Variants in PRPF38A observed in about 807,000 individuals in gnomAD.
The protein encoded by PRPF38A is pre-mRNA processing factor 38A.
In PRPF38A, 11 loss-of-function variants were observed where a neutral mutation model predicts 46.8. That is an observed-to-expected ratio of 0.24 (90% CI 0.15 to 0.39). The LOEUF (loss-of-function observed/expected upper bound fraction) is 0.39. Among genes scored for constraint, PRPF38A ranks in the 10% least tolerant of loss-of-function variants. PRPF38A has a pLI of 1.00. For missense variants in PRPF38A, 261 were observed against 407.5 expected (o/e 0.64, Z 3.10); for synonymous variants, 124 against 136.2 (o/e 0.91, Z 0.62).
In PRPF38A at chr1:52,420,188, T is replaced by G. The variant is rs1487729236; in HGVS notation, c.*3498T>G. 6.6e-6 allele frequency: 1 copy of G among 152,220 alleles called. No homozygotes were observed. The highest frequency in any genetic ancestry group is 1.5e-5 in the Non-Finnish European group (1 of 68,046). 9.4% of individuals were successfully genotyped at this position (152,220 alleles called of 1,614,324 possible). A position where few individuals can be genotyped will look rare whatever the true frequency, so the allele number is the denominator to read the frequency against. On this transcript the variant is annotated 3_prime_UTR_variant, in exon 10 of 10. Transcript: ENST00000257181. ...CTTAAAATACAAAGGCTATAGATGT[T>G]CTCAAGTTTGTAAGAACTTAAAAGT...
At chr1:52,411,864 C>T (rs761179406) in intron 4 of PRPF38A, among the ~76,000 whole-genome samples, 9 of 152,120 alleles carry the variant, frequency 5.9e-5, no homozygotes, top group Non-Finnish European at 1.3e-4. Context: ...GGGCCCAATT[C>T]TTATAGCAAG....
In PRPF38A at chr1:52,417,857, A is replaced by T. The variant is rs187293726; in HGVS notation, c.*1167A>T. The T allele has an allele frequency of 1.3e-5, 2 of 152,500 alleles. No homozygotes were observed. Among genetic ancestry groups the T allele is most frequent in the East Asian group, 1.9e-4 (1 of 5,190 alleles). The allele number at this position is 152,500 out of a possible 1,614,324, so 9.4% of individuals were successfully genotyped here. On this transcript the variant is annotated 3_prime_UTR_variant, in exon 10 of 10. Coordinates refer to ENST00000257181, the MANE Select transcript of PRPF38A (RefSeq NM_032864.4). ...TTCAGAAAGACAGGAGAATTAGGAGAGAGTGAGTGAAAGAAGCCAAGGGTC... is the reference window on the plus strand; with the variant it reads ...TTCAGAAAGACAGGAGAATTAGGAGTGAGTGAGTGAAAGAAGCCAAGGGTC...
rs548423973 is a variant in PRPF38A at position 52,419,420 on chromosome 1, A to C, written c.*2730A>C. On this transcript the variant is annotated 3_prime_UTR_variant, in exon 10 of 10. Transcript: ENST00000257181. ...GAGAGGGTTCCAATATTAACAACCC[A>C]ACTTCAAGCTCATTCCTCTAACCTC... 6.6e-6 allele frequency: 1 copy of C among 152,078 alleles called. No individual in the cohort carries two copies. Among genetic ancestry groups the C allele is most frequent in the East Asian group, 1.9e-4 (1 of 5,180 alleles). The allele number at this position is 152,078 out of a possible 1,614,324, so 9.4% of individuals were successfully genotyped here. A position where few individuals can be genotyped will look rare whatever the true frequency, so the allele number is the denominator to read the frequency against.
chr1:52,411,072 C>T, intron 3 of PRPF38A, 43 bp from the exon 4 acceptor site: 2 of 1,455,406 alleles, frequency 1.4e-6, no homozygotes, highest in Non-Finnish European at 1.9e-6. Flanking sequence ...GCATCTAAAT[C>T]TTTTATTTCC....
intron 8 of PRPF38A, 70 bp downstream of exon 8, chr1:52,414,929 GCAGTA>G (rs970683365): frequency 4.9e-6 from 7 of 1,421,800 alleles, no homozygotes; most frequent in African/African-American, 2.8e-5. Flanking sequence ...TTAGCCTCCT[GCAGTA>G]CAGGAGTGCC....
At chr1:52,412,827 A>T (rs757126228) in intron 5 of PRPF38A, among the ~76,000 whole-genome samples, 7 of 151,966 alleles carry the variant, frequency 4.6e-5, no homozygotes, top group South Asian at 2.1e-4. Context: ...TGGTGGTGAA[A>T]CCTCGTCTCT....
Position 52,418,280 on chromosome 1 carries a change from T to A in PRPF38A, c.*1590T>A, listed in dbSNP as rs2147961283. ...GGTTTCTGATAGAACTATATAGGAC[T>A]ACCTTTTAAGATTAAATATAAGCAT... On this transcript the variant is annotated 3_prime_UTR_variant, in exon 10 of 10. Coordinates refer to ENST00000257181, the MANE Select transcript of PRPF38A (RefSeq NM_032864.4). 1 of 152,480 alleles carries A rather than the reference T, an allele frequency of 6.6e-6. No individual in the cohort carries two copies. The highest frequency in any genetic ancestry group is 1.9e-4 in the East Asian group (1 of 5,186). 9.4% of individuals were successfully genotyped at this position (152,480 alleles called of 1,614,324 possible). A position where few individuals can be genotyped will look rare whatever the true frequency, so the allele number is the denominator to read the frequency against.
At chr1:52,406,469 T>A (rs1648001819) in intron 2 of PRPF38A, among the ~76,000 whole-genome samples, 1 of 152,250 alleles carries the variant, frequency 6.6e-6, no homozygotes, top group East Asian at 1.9e-4. Context: ...CAACAAAAGG[T>A]GGTGGTTAAG....
intron 2 of PRPF38A, among the ~76,000 whole-genome samples, chr1:52,406,766 ATAAT>A (rs773991775): frequency 2.0e-5 from 3 of 152,218 alleles, no homozygotes; most frequent in South Asian, 2.1e-4. Context: ...TTTGCATATA[ATAAT>A]TCATTTCACT....
rs935568974 is a variant in PRPF38A at position 52,416,868 on chromosome 1, A to C, written c.*178A>C. On this transcript the variant is annotated 3_prime_UTR_variant, in exon 10 of 10. Transcript: ENST00000257181. Reference sequence around the variant, plus strand: ...TGAGTTTTGTATCTTTTTAATCATAATCAACATCAGTTTTTGACCCAACTA... The same window carrying C: ...TGAGTTTTGTATCTTTTTAATCATACTCAACATCAGTTTTTGACCCAACTA... The C allele has an allele frequency of 6.5e-6, 4 of 614,436 alleles. No homozygotes were observed. The African/African-American group carries it at 7.5e-5, about 11-fold the overall frequency. 38.1% of individuals were successfully genotyped at this position (614,436 alleles called of 1,614,324 possible). A position where few individuals can be genotyped will look rare whatever the true frequency, so the allele number is the denominator to read the frequency against.
chr1:52,404,922 C>T (rs755873441), intron 1 of PRPF38A, 43 bp downstream of exon 1: 2 of 1,605,878 alleles, frequency 1.2e-6, no homozygotes, highest in Non-Finnish European at 8.5e-7. Flanking sequence ...CCCTTGTGGC[C>T]CATTTCTCCT....
At position 52,404,616 on chromosome 1, in the gene PRPF38A, C is replaced by A; in HGVS notation, c.-134C>A. 1 of 954,442 alleles carries A rather than the reference C, an allele frequency of 1.0e-6. No individual in the cohort carries two copies. Among genetic ancestry groups the A allele is most frequent in the African/African-American group, 1.6e-5 (1 of 60,668 alleles). 59.1% of individuals were successfully genotyped at this position (954,442 alleles called of 1,614,324 possible). On this transcript the variant is annotated 5_prime_UTR_variant, in exon 1 of 10. Coordinates refer to ENST00000257181, the MANE Select transcript of PRPF38A (RefSeq NM_032864.4). Reference sequence around the variant, plus strand: ...GGAAGCCCTTTACACTACGGTGTTTCCGGCTTCAAGATGGTCGCCTAAGCT... The same window carrying A: ...GGAAGCCCTTTACACTACGGTGTTTACGGCTTCAAGATGGTCGCCTAAGCT...
chr1:52,410,547 G>GCT (rs1347118611), intron 3 of PRPF38A, among the ~76,000 whole-genome samples: 1 of 150,146 alleles, frequency 6.7e-6, no homozygotes, highest in Non-Finnish European at 1.5e-5. Context: ...TGTTGCCCAG[G>GCT]CTGGAGTGCA....
At chr1:52,410,653 C>G (rs898150076) in intron 3 of PRPF38A, among the ~76,000 whole-genome samples, 1 of 151,950 alleles carries the variant, frequency 6.6e-6, no homozygotes, top group Non-Finnish European at 1.5e-5. Flanking sequence ...ATGTGCCCAC[C>G]ACCATGCCCA....
Position 52,412,682 on chromosome 1 carries a change from GT to G in PRPF38A, c.609+64del, listed in dbSNP as rs766971626. On this transcript the variant is annotated intron_variant, in intron 5 of 9. Transcript: ENST00000257181. The stretch of plus-strand genomic sequence containing the variant: ...GAGGGAGTAATAGAAAATGGGAATG[GT>G]TTTTTGTTTTTAGACTTTAATTTTT... 8 of 1,169,838 alleles carry G rather than the reference GT, an allele frequency of 6.8e-6. No individual in the cohort carries two copies. The East Asian group carries it at 1.2e-4, about 17-fold the overall frequency. The allele number at this position is 1,169,838 out of a possible 1,614,324, so 72.5% of individuals were successfully genotyped here. A position where few individuals can be genotyped will look rare whatever the true frequency, so the allele number is the denominator to read the frequency against.
intron 3 of PRPF38A, chr1:52,409,046 A>G (rs1648076925): frequency 5.1e-6 from 1 of 194,376 alleles, no homozygotes; most frequent in Non-Finnish European, 1.1e-5. Flanking sequence ...AGTTTTCCAT[A>G]TTTTACATCT....
rs1308814212 is a variant in PRPF38A at position 52,419,612 on chromosome 1, G to GAT, written c.*2923_*2924dup. The stretch of plus-strand genomic sequence containing the variant: ...CTTTAAAAAAAAAAAGTTCAAAAGA[G>GAT]ATTAAGAGATGAAAAATAAGATTGG... On this transcript the variant is annotated 3_prime_UTR_variant, in exon 10 of 10. Coordinates refer to ENST00000257181, the MANE Select transcript of PRPF38A (RefSeq NM_032864.4). 1.3e-5 allele frequency: 2 copies of GAT among 151,628 alleles called. No homozygotes were observed. The highest frequency in any genetic ancestry group is 6.6e-5 in the Admixed American group (1 of 15,212). 9.4% of individuals were successfully genotyped at this position (151,628 alleles called of 1,614,324 possible). A position where few individuals can be genotyped will look rare whatever the true frequency, so the allele number is the denominator to read the frequency against.
chr1:52,405,434 T>C (rs145376841), intron 1 of PRPF38A, among the ~76,000 whole-genome samples: 1 of 152,384 alleles, frequency 6.6e-6, no homozygotes, highest in African/African-American at 2.4e-5. Flanking sequence ...AGAACATTGC[T>C]AGAACTTTCT....
intron 4 of PRPF38A, among the ~76,000 whole-genome samples, chr1:52,411,511 A>G (rs1038663288): frequency 6.6e-5 from 10 of 152,222 alleles, no homozygotes; most frequent in African/African-American, 2.2e-4. Context: ...TCAGCACATT[A>G]CCTGTCTATC....
Sources: allele counts gnomAD v4.1 joint callset (sites outside exome capture counted in the v4.1 genomes callset), GRCh38; gene constraint gnomAD v4.1.1; transcripts MANE v1.5; gene names NCBI Gene and HGNC (gene_info 2026-07-23, HGNC 2026-07-21).